FBN3: variants seen among roughly 807,000 people sequenced by gnomAD.
The protein encoded by FBN3 is fibrillin 3.
In FBN3, 234 loss-of-function variants were observed where a neutral mutation model predicts 330.1. That is an observed-to-expected ratio of 0.71 (90% CI 0.64 to 0.79). The LOEUF is 0.79. Among genes scored for constraint, FBN3 ranks in the 30% least tolerant of loss-of-function variants. The pLI, the probability that FBN3 is intolerant of heterozygous loss-of-function variation, is 0.00. For missense variants in FBN3, 3,606 were observed against 3,886.9 expected (o/e 0.93, Z 1.92); for synonymous variants, 1,458 against 1,517.3 (o/e 0.96, Z 0.91).
intron 63 of FBN3, among the ~76,000 whole-genome samples, chr19:8,071,417 G>T (rs573780922): frequency 6.6e-6 from 1 of 152,324 alleles, no homozygotes; most frequent in Non-Finnish European, 1.5e-5. Flanking sequence ...TGCTGAGTGG[G>T]TATGTCAGGT....
intron 47 of FBN3, among the ~76,000 whole-genome samples, chr19:8,091,859 A>G (rs1323633399): frequency 6.6e-6 from 1 of 152,156 alleles, no homozygotes; most frequent in African/African-American, 2.4e-5. Context: ...TACAACCTCT[A>G]TGGAAAACAG....
chr19:8,126,907 A>C, intron 18 of FBN3, 75 bp from the exon 19 acceptor site: 1 of 1,488,018 alleles, frequency 6.7e-7, no homozygotes, highest in Non-Finnish European at 8.9e-7. Context: ...CCTCCTCCCC[A>C]AGGGGCCGCC....
rs574594778 is a variant in FBN3 at position 8,125,769 on chromosome 19, C to T, written c.2731+123G>A. ...TTGCGCCACTGCACTCCAGCCTGGG[C>T]GACAGAGCGAGACTCCATCTCAAAA... On this transcript the variant is annotated intron_variant, in intron 22 of 63. Coordinates refer to ENST00000600128, the MANE Select transcript of FBN3 (RefSeq NM_032447.5). The T allele has an allele frequency of 7.7e-4, 873 of 1,129,836 alleles. 22 individuals are homozygous for T. In the South Asian group the frequency reaches 0.015, roughly 20 times the overall value. 70.0% of individuals were successfully genotyped at this position (1,129,836 alleles called of 1,614,324 possible). A position where few individuals can be genotyped will look rare whatever the true frequency, so the allele number is the denominator to read the frequency against.
Position 8,116,809 on chromosome 19 carries a change from C to G in FBN3, c.3587-10G>C, listed in dbSNP as rs1438896996. On this transcript the variant is annotated splice_polypyrimidine_tract_variant and intron_variant, in intron 28 of 63. Transcript: ENST00000600128. ...TCACACTCGTCCACGTCTGGGGGAGCAGGGTTGGGGACTGTGCTTAGCTTT... is the reference window on the plus strand; with the variant it reads ...TCACACTCGTCCACGTCTGGGGGAGGAGGGTTGGGGACTGTGCTTAGCTTT... 5 of 1,612,792 alleles carry G rather than the reference C, an allele frequency of 3.1e-6. No homozygotes were observed. The highest frequency in any genetic ancestry group is 4.2e-6 in the Non-Finnish European group (5 of 1,179,384).
At position 8,095,495 on chromosome 19, in the gene FBN3, C is replaced by T. The variant is rs139306099; in HGVS notation, c.5665G>A (p.Glu1889Lys). The T allele has an allele frequency of 1.0e-4, 169 of 1,613,194 alleles. No individual in the cohort carries two copies. The highest frequency in any genetic ancestry group is 1.3e-4 in the Non-Finnish European group (159 of 1,179,580). Residue 1889 changes from glutamate to lysine, a missense_variant, in exon 46 of 64, where the codon GAG becomes AAG. Transcript: ENST00000600128. ...ACCTGCCCCACCAGGGTAGTACACTCATCAAAATCTGTAGAGGGGAGATGG... is the reference window on the plus strand; with the variant it reads ...ACCTGCCCCACCAGGGTAGTACACTTATCAAAATCTGTAGAGGGGAGATGG... ...THNGDCVDFD[E>K]CTTLVGQVCR...
intron 14 of FBN3, 150 bp downstream of exon 14, chr19:8,132,834 C>T: frequency 1.1e-6 from 1 of 896,988 alleles, no homozygotes; most frequent in Non-Finnish European, 1.6e-6. Flanking sequence ...TCCCCTTTTC[C>T]CTCCTCCTCC....
At chr19:8,147,076 C>A (rs775255202) in intron 3 of FBN3, 28 bp downstream of exon 3, 9 of 1,538,186 alleles carry the variant, frequency 5.9e-6, no homozygotes, top group Non-Finnish European at 7.9e-6. Flanking sequence ...CCTGTGCCCC[C>A]CCACCTCCAG....
intron 31 of FBN3, 22 bp downstream of exon 31, chr19:8,111,955 C>T (rs1232344953): frequency 1.4e-6 from 2 of 1,465,582 alleles, no homozygotes; most frequent in South Asian, 2.4e-5. Context: ...TTTGCCCCCA[C>T]TCCCTGCCCC....
intron 24 of FBN3, among the ~76,000 whole-genome samples, chr19:8,122,281 G>C (rs1235516724): frequency 6.6e-6 from 1 of 152,222 alleles, no homozygotes; most frequent in African/African-American, 2.4e-5. Flanking sequence ...CTCCAAAAGT[G>C]CTGGGATCAC....
intron 61 of FBN3, among the ~76,000 whole-genome samples, chr19:8,074,336 A>G (rs2081590550): frequency 6.6e-6 from 1 of 152,020 alleles, no homozygotes; most frequent in African/African-American, 2.4e-5. Context: ...AACTTAGCTA[A>G]AGACCCACCA....
At chr19:8,072,966 C>CGTGTGTGTGTGTGTGTGTGTGTGT (rs60155490) in intron 62 of FBN3, 97 bp downstream of exon 62, 4 of 645,154 alleles carry the variant, frequency 6.2e-6, no homozygotes, top group Non-Finnish European at 1.1e-5. Context: ...CACAAAGCCC[C>CGTGTGTGTGTGTGTGTGTGTGTGT]GTGTGTGTGT....
chr19:8,123,861 A>G lies in FBN3; in HGVS notation c.2879T>C (p.Leu960Pro). 6.2e-7 allele frequency: 1 copy of G among 1,612,532 alleles called. No homozygotes were observed. The highest frequency in any genetic ancestry group is 8.5e-7 in the Non-Finnish European group (1 of 1,179,936). ...ECEACPDPES[L>P]EFASLCPRGL... ...CCGCGGGCACAGGCTGGCGAACTCC[A>G]GAGACTCGGGATCCGGGCAGGCCTC... Residue 960 changes from leucine to proline, a missense_variant, in exon 23 of 64, where the codon CTG becomes CCG. Coordinates refer to ENST00000600128, the MANE Select transcript of FBN3 (RefSeq NM_032447.5).
intron 63 of FBN3, among the ~76,000 whole-genome samples, chr19:8,068,923 CCTGCCAGCCTGGG>C (rs1004737364): frequency 6.6e-6 from 1 of 151,818 alleles, no homozygotes. Flanking sequence ...TGCTCAGACC[CCTGCCAGCCTGGG>C]CCAAAGGTAT....
intron 48 of FBN3, 98 bp downstream of exon 48, chr19:8,091,367 A>G (rs1266554488): frequency 2.0e-6 from 3 of 1,489,074 alleles, no homozygotes; most frequent in Admixed American, 4.0e-5. Context: ...CAGAGCTCCC[A>G]AAGGGTCACA....
intron 63 of FBN3, among the ~76,000 whole-genome samples, chr19:8,070,525 T>C (rs563109902): frequency 6.6e-5 from 10 of 152,308 alleles, no homozygotes; most frequent in Admixed American, 5.2e-4. Flanking sequence ...TCAGTGATAA[T>C]TGTTTGGGAA....
intron 24 of FBN3, among the ~76,000 whole-genome samples, chr19:8,122,910 G>A (rs1019312030): frequency 4.6e-5 from 7 of 151,534 alleles, no homozygotes; most frequent in African/African-American, 1.7e-4. Flanking sequence ...TGATCCGCCC[G>A]CCTCAGCCTC....
At chr19:8,088,853 G>A (rs1443672837) in intron 51 of FBN3, among the ~76,000 whole-genome samples, 2 of 152,034 alleles carry the variant, frequency 1.3e-5, no homozygotes, top group Non-Finnish European at 2.9e-5. Context: ...GGGAGCAAAC[G>A]AGTGAATGAG....
chr19:8,128,068 G>A (rs180738623), intron 18 of FBN3, among the ~76,000 whole-genome samples: 111 of 152,332 alleles, frequency 7.3e-4, no homozygotes, highest in Non-Finnish European at 1.1e-3. Flanking sequence ...GAGATGCACG[G>A]TGCAGGGTAT....
At position 8,111,675 on chromosome 19, in the gene FBN3, A is replaced by C; in HGVS notation, c.4057T>G (p.Phe1353Val). The change falls in exon 32 of 64, where the codon TTT becomes GTT. Residue 1353 changes from phenylalanine to valine, a missense_variant. Phe to Val is a conservative substitution (Grantham distance 50). Transcript: ENST00000600128. ...TCGCAGAAGAAGCCATCCCCGGCAA[A>C]GCCCTGGCGGCAGGTGCAGCGGTAG... ...GSYRCTCRQG[F>V]AGDGFFCEDR... 1 of 1,611,644 alleles carries C rather than the reference A, an allele frequency of 6.2e-7. No homozygotes were observed. The highest frequency in any genetic ancestry group is 8.5e-7 in the Non-Finnish European group (1 of 1,178,518).
Sources: gnomAD v4.1 joint callset for allele counts (sites outside exome capture counted in the v4.1 genomes callset) on GRCh38, gnomAD v4.1.1 for gene constraint, MANE v1.5 for transcripts, NCBI Gene and HGNC (gene_info 2026-07-23, HGNC 2026-07-21) for gene names.